Variants in TRDN observed in about 807,000 individuals in gnomAD.
The protein encoded by TRDN is triadin in skeletal muscle.
Under a neutral mutation model 149.7 loss-of-function variants are expected in TRDN, and 161 were observed. That is an observed-to-expected ratio of 1.08 (90% confidence interval 0.95 to 1.23). The LOEUF (loss-of-function observed/expected upper bound fraction) is 1.23, where lower values mean the gene tolerates loss of function less well. Among genes scored for constraint, TRDN ranks in the 50% most tolerant of loss-of-function variants. TRDN has a pLI of 0.00. For missense variants in TRDN, 896 were observed against 823.5 expected (o/e 1.09, Z -1.08); for synonymous variants, 294 against 250.5 (o/e 1.17, Z -1.64).
intron 1 of TRDN, among the ~76,000 whole-genome samples, chr6:123,634,159 G>C (rs1786165439): frequency 6.6e-6 from 1 of 152,006 alleles, no homozygotes; most frequent in South Asian, 2.1e-4. Flanking sequence ...CCCCAGGCGT[G>C]ATGGTTCTTG....
chr6:123,512,389 C>A (rs1306193497), intron 6 of TRDN, 27 bp from the exon 7 acceptor site: 1 of 1,338,708 alleles, frequency 7.5e-7, no homozygotes. Context: ...TACATTAGTA[C>A]ACATTTTTAA....
At chr6:123,421,054 C>A (rs1453585806) in intron 12 of TRDN, among the ~76,000 whole-genome samples, 1 of 152,160 alleles carries the variant, frequency 6.6e-6, no homozygotes, top group African/African-American at 2.4e-5. Context: ...AGAGAGGAAA[C>A]AGCAGAGATC....
At chr6:123,480,091 A>G (rs1267831689) in intron 9 of TRDN, among the ~76,000 whole-genome samples, 2 of 152,080 alleles carry the variant, frequency 1.3e-5, no homozygotes, top group Non-Finnish European at 2.9e-5. Flanking sequence ...GTTGAATGGT[A>G]GAAGTGGCTA....
chr6:123,371,702 T>C lies in TRDN; in HGVS notation c.1273+3903A>G, dbSNP rs1781333965. Among the ~76,000 whole-genome samples the C allele has an allele frequency of 5.3e-5, 8 of 152,290 alleles. No individual in the cohort carries two copies. In the South Asian group the frequency reaches 1.7e-3, roughly 32 times the overall value. On this transcript the variant is annotated intron_variant, in intron 19 of 40. Transcript: ENST00000334268. The stretch of plus-strand genomic sequence containing the variant: ...AACCTTGATGAACATTCTTGGACTC[T>C]GAACCATGGCATTTTCAGTTTGGGG...
chr6:123,504,424 C>G (rs760792749), intron 7 of TRDN, among the ~76,000 whole-genome samples: 3 of 152,036 alleles, frequency 2.0e-5, no homozygotes, highest in African/African-American at 7.2e-5. Context: ...GTAAAATTAT[C>G]GCATTGGTGT....
intron 38 of TRDN, among the ~76,000 whole-genome samples, chr6:123,239,305 C>T (rs975794382): frequency 1.3e-5 from 2 of 152,046 alleles, no homozygotes; most frequent in Non-Finnish European, 1.5e-5. Context: ...GATAATTTCT[C>T]ATCATAGGAG....
chr6:123,548,648 T>C (rs1418553510), intron 2 of TRDN, 36 bp from the exon 3 acceptor site: 1 of 1,307,860 alleles, frequency 7.6e-7, no homozygotes, highest in South Asian at 2.3e-5. Flanking sequence ...AAGAAAAAGT[T>C]TGTGATCATT....
At chr6:123,333,446 G>A (rs1346315112) in intron 22 of TRDN, among the ~76,000 whole-genome samples, 3 of 152,160 alleles carry the variant, frequency 2.0e-5, no homozygotes, top group Admixed American at 6.6e-5. Flanking sequence ...ACCCAATACC[G>A]TAAGCTTTGG....
intron 20 of TRDN, among the ~76,000 whole-genome samples, chr6:123,357,483 T>C (rs1326892128): frequency 6.6e-6 from 1 of 151,970 alleles, no homozygotes; most frequent in East Asian, 1.9e-4. Flanking sequence ...AGTCTAAAAA[T>C]AGAGAATAGG....
At chr6:123,273,389 A>T in intron 27 of TRDN, 26 bp from the exon 28 acceptor site, 1 of 931,418 alleles carries the variant, frequency 1.1e-6, no homozygotes, top group South Asian at 1.9e-5. Flanking sequence ...AACATATTAG[A>T]TTAAATTACC....
intron 7 of TRDN, among the ~76,000 whole-genome samples, chr6:123,505,680 A>G (rs1778891539): frequency 1.3e-5 from 2 of 152,058 alleles, no homozygotes; most frequent in Admixed American, 6.6e-5. Flanking sequence ...TCTCATACAA[A>G]TATTACTCAA....
chr6:123,525,276 G>A (rs939475916), intron 5 of TRDN, among the ~76,000 whole-genome samples: 8 of 152,026 alleles, frequency 5.3e-5, no homozygotes, highest in African/African-American at 9.6e-5. Flanking sequence ...AGCACTATTC[G>A]CAGTGGCAAA....
chr6:123,434,958 C>T (rs1310007780), intron 12 of TRDN, among the ~76,000 whole-genome samples: 2 of 151,768 alleles, frequency 1.3e-5, no homozygotes, highest in Non-Finnish European at 2.9e-5. Flanking sequence ...CCTACAACTT[C>T]CCCAGAGATC....
At chr6:123,449,945 A>C (rs2114648760) in intron 10 of TRDN, among the ~76,000 whole-genome samples, 1 of 152,312 alleles carries the variant, frequency 6.6e-6, no homozygotes, top group Non-Finnish European at 1.5e-5. Context: ...TCATCAGCCA[A>C]GAATTTTGTA....
chr6:123,318,695 C>T (rs553756801), intron 23 of TRDN, among the ~76,000 whole-genome samples: 392 of 152,206 alleles, frequency 2.6e-3, no homozygotes, highest in Non-Finnish European at 4.5e-3. Flanking sequence ...ACTCTGCACA[C>T]GGCTTTCACT....
At chr6:123,446,543 C>A (rs1024501311) in intron 10 of TRDN, among the ~76,000 whole-genome samples, 1 of 143,306 alleles carries the variant, frequency 7.0e-6, no homozygotes, top group Admixed American at 7.2e-5. Context: ...TGAGATTGTG[C>A]CACTGCACTC....
At chr6:123,355,137 G>C (rs1391324015) in intron 20 of TRDN, among the ~76,000 whole-genome samples, 1 of 151,080 alleles carries the variant, frequency 6.6e-6, no homozygotes, top group Non-Finnish European at 1.5e-5. Context: ...ACATTGATTT[G>C]TATGCATCTG....
rs373118409 is a variant in TRDN at position 123,384,134 on chromosome 6, A to G, written c.1136-1987T>C. Among the ~76,000 whole-genome samples, 5 of 152,328 alleles carry G rather than the reference A, an allele frequency of 3.3e-5. No individual in the cohort carries two copies. The East Asian group carries it at 7.7e-4, about 24-fold the overall frequency. ...CTATTCATTTTCTTCCTGAATAATT[A>G]TTTTAATTGGATAAGCAAGCAATTC... On this transcript the variant is annotated intron_variant, in intron 14 of 40. Transcript: ENST00000334268.
intron 1 of TRDN, among the ~76,000 whole-genome samples, chr6:123,625,234 T>C (rs1423053485): frequency 6.6e-6 from 1 of 152,156 alleles, no homozygotes; most frequent in African/African-American, 2.4e-5. Context: ...AGTTTCAAAG[T>C]GAAATAATCA....
Sources: gnomAD v4.1 joint callset for allele counts (sites outside exome capture counted in the v4.1 genomes callset) on GRCh38, gnomAD v4.1.1 for gene constraint, MANE v1.5 for transcripts, NCBI Gene and HGNC (gene_info 2026-07-23, HGNC 2026-07-21) for gene names.